DPP10: variants seen among roughly 807,000 people sequenced by gnomAD.
DPP10 encodes the protein inactive dipeptidyl peptidase 10.
In DPP10, 33 loss-of-function variants were observed where a neutral mutation model predicts 120.9. That is an observed-to-expected ratio of 0.27 (90% CI 0.21 to 0.37). DPP10 has a LOEUF of 0.37. Among genes scored for constraint, DPP10 ranks in the 10% least tolerant of loss-of-function variants. DPP10 has a pLI of 1.00. For missense variants in DPP10, 816 were observed against 942.8 expected, an observed-to-expected ratio of 0.87 and a Z score of 1.76; for synonymous variants, 337 against 326.1, an observed-to-expected ratio of 1.03 and a Z score of -0.36.
chr2:115,798,315 G>A (rs6755738), intron 19 of DPP10, among the ~76,000 whole-genome samples: 2,771 of 151,908 alleles, frequency 0.018, 87 homozygotes, highest in African/African-American at 0.061. Flanking sequence ...AAACATATTA[G>A]GATATAAGAT....
intron 1 of DPP10, among the ~76,000 whole-genome samples, chr2:114,507,196 C>T (rs1435079479): frequency 6.6e-6 from 1 of 151,790 alleles, no homozygotes; most frequent in Non-Finnish European, 1.5e-5. Context: ...TACAGGCATG[C>T]ACTACAACAC....
chr2:115,631,413 G>T (rs1040330193), intron 5 of DPP10, among the ~76,000 whole-genome samples: 1 of 151,948 alleles, frequency 6.6e-6, no homozygotes, highest in Non-Finnish European at 1.5e-5. Context: ...TTCTCCTTCA[G>T]TTCTGCTCTG....
chr2:115,266,235 A>C (rs1179156729), intron 1 of DPP10, among the ~76,000 whole-genome samples: 1 of 152,184 alleles, frequency 6.6e-6, no homozygotes, highest in African/African-American at 2.4e-5. Flanking sequence ...TCTGAACATG[A>C]ATTCCAGGCC....
rs544264379 is a variant in DPP10, at chr2:114,497,707, T to G, written c.60+54869T>G. On this transcript the variant is annotated intron_variant, in intron 1 of 25. Transcript: ENST00000410059. ...TCAGACTCAGAGGATTTAAGTAATT[T>G]CAGTCAGTCAGTAAGTAGCGGATAG... is the stretch of plus-strand genomic sequence containing the variant. Among the ~76,000 whole-genome samples the G allele has an allele frequency of 4.2e-4, 64 of 152,254 alleles. 1 individual carries two copies. In the South Asian group the frequency reaches 7.7e-3, roughly 18 times the overall value.
At chr2:115,233,795 AC>A (rs1313251169) in intron 1 of DPP10, among the ~76,000 whole-genome samples, 1 of 151,992 alleles carries the variant, frequency 6.6e-6, no homozygotes, top group Non-Finnish European at 1.5e-5. Context: ...CATCCTTTTC[AC>A]TCATGGAAAA....
intron 3 of DPP10, among the ~76,000 whole-genome samples, chr2:115,464,596 C>T (rs2074200671): frequency 6.6e-6 from 1 of 152,098 alleles, no homozygotes; most frequent in Non-Finnish European, 1.5e-5. Context: ...ACACATGCTA[C>T]TCCTCAGGCC....
rs140001843 is a variant in DPP10 at position 115,687,701 on chromosome 2, A to G, written c.442-1986A>G. Reference sequence around the variant, plus strand: ...GTGGATTTATATATTCCCTTCTCCAATCACACCATTTGAAGACATATAAGT... The same window carrying G: ...GTGGATTTATATATTCCCTTCTCCAGTCACACCATTTGAAGACATATAAGT... On this transcript the variant is annotated intron_variant, in intron 5 of 25. Coordinates refer to ENST00000410059, the MANE Select transcript of DPP10 (RefSeq NM_020868.6). Among the ~76,000 whole-genome samples, 316 of 152,210 alleles carry G rather than the reference A, an allele frequency of 2.1e-3. 1 individual carries two copies. The highest frequency in any genetic ancestry group is 6.8e-3 in the African/African-American group (282 of 41,566).
chr2:115,088,204 C>T (rs1224992175), intron 1 of DPP10, among the ~76,000 whole-genome samples: 2 of 152,150 alleles, frequency 1.3e-5, no homozygotes, highest in Admixed American at 1.3e-4. Context: ...GCCTTGCCTC[C>T]TAACACCATC....
chr2:115,450,962 A>C (rs2073062506), intron 3 of DPP10, among the ~76,000 whole-genome samples: 1 of 151,932 alleles, frequency 6.6e-6, no homozygotes, highest in African/African-American at 2.4e-5. Flanking sequence ...AATTCTGAAC[A>C]ATATGACTAG....
At chr2:115,529,121 GA>G (rs1329335162) in intron 5 of DPP10, among the ~76,000 whole-genome samples, 1 of 151,766 alleles carries the variant, frequency 6.6e-6, no homozygotes, top group Admixed American at 6.6e-5. Context: ...ATTTTAACTT[GA>G]AAAAGCTGTA....
At chr2:115,691,037 T>A (rs1484524432) in intron 7 of DPP10, among the ~76,000 whole-genome samples, 2 of 152,220 alleles carry the variant, frequency 1.3e-5, no homozygotes, top group African/African-American at 4.8e-5. Flanking sequence ...GAGCAACTTT[T>A]CATATGGTTA....
intron 8 of DPP10, among the ~76,000 whole-genome samples, chr2:115,734,690 G>C (rs1336109869): frequency 7.0e-6 from 1 of 142,110 alleles, no homozygotes; most frequent in Non-Finnish European, 1.5e-5. Flanking sequence ...AAAGAACTTA[G>C]AGTTTACACT....
intron 3 of DPP10, among the ~76,000 whole-genome samples, chr2:115,465,296 G>A (rs1239659014): frequency 6.6e-6 from 1 of 151,802 alleles, no homozygotes; most frequent in Non-Finnish European, 1.5e-5. Context: ...TGTGAAGCTT[G>A]GAATAAAATA....
chr2:114,757,398 G>A (rs1350211564), intron 1 of DPP10, among the ~76,000 whole-genome samples: 10 of 147,772 alleles, frequency 6.8e-5, no homozygotes, highest in Admixed American at 6.7e-4. Flanking sequence ...GAGGGAGGGA[G>A]AGAGAGAGAG....
chr2:115,553,593 G>A (rs956139632), intron 5 of DPP10, among the ~76,000 whole-genome samples: 6 of 151,894 alleles, frequency 4.0e-5, no homozygotes, highest in African/African-American at 9.7e-5. Flanking sequence ...GAAGAAAAAA[G>A]GATCCTAATT....
intron 3 of DPP10, among the ~76,000 whole-genome samples, chr2:115,421,425 T>A (rs1035851961): frequency 1.3e-5 from 2 of 152,202 alleles, no homozygotes; most frequent in Non-Finnish European, 2.9e-5. Context: ...TCTACCTGCA[T>A]ATATTCCTGG....
intron 7 of DPP10, among the ~76,000 whole-genome samples, chr2:115,713,316 G>A (rs527531865): frequency 5.3e-5 from 8 of 152,094 alleles, no homozygotes; most frequent in Non-Finnish European, 1.2e-4. Flanking sequence ...GTAGAGGTAA[G>A]TTGGTTGGTT....
At chr2:114,760,877 G>A (rs1452375927) in intron 1 of DPP10, among the ~76,000 whole-genome samples, 1 of 152,024 alleles carries the variant, frequency 6.6e-6, no homozygotes, top group Non-Finnish European at 1.5e-5. Flanking sequence ...TCTGAAAGTA[G>A]AATATTTCAA....
chr2:115,472,628 C>G (rs368031657), intron 3 of DPP10, among the ~76,000 whole-genome samples: 2 of 152,218 alleles, frequency 1.3e-5, no homozygotes, highest in African/African-American at 2.4e-5. Context: ...TTACAGCACC[C>G]CTCTTTGTAT....
Sources: gnomAD v4.1 joint callset for allele counts (sites outside exome capture counted in the v4.1 genomes callset) on GRCh38, gnomAD v4.1.1 for gene constraint, MANE v1.5 for transcripts, NCBI Gene and HGNC (gene_info 2026-07-23, HGNC 2026-07-21) for gene names.